Variants in COP1 observed in about 807,000 individuals in gnomAD.
COP1 encodes E3 ubiquitin-protein ligase COP1.
Under a neutral mutation model 101.3 loss-of-function variants are expected in COP1, and 24 were observed. That is an observed-to-expected ratio of 0.24 (90% CI 0.17 to 0.33). The LOEUF is 0.33. Among genes scored for constraint, COP1 ranks in the 10% least tolerant of loss-of-function variants. The pLI is 1.00. For synonymous variants in COP1, 347 were observed against 341.9 expected (o/e 1.01, Z -0.17); for missense variants, 663 against 906.2 (o/e 0.73, Z 3.45).
chr1:176,206,911 G>A lies in COP1; in HGVS notation c.68C>T (p.Ser23Leu), dbSNP rs752538197. Reference protein sequence around the residue: ...GTSPGSSAASSVTSASSSLSS... With the variant: ...GTSPGSSAASLVTSASSSLSS... ...TAAAGACGAGGAGGCGGAAGTCACC[G>A]AGGAGGCCGCCGAGGACCCGGGGCT... Residue 23 changes from serine (S) to leucine (L), a missense_variant, in exon 1 of 20, where the codon TCG becomes TTG. Physicochemically the swap from Ser to Leu is moderately radical, Grantham distance 145 (BLOSUM62 -2). Transcript: ENST00000367669. 2.7e-6 allele frequency: 4 copies of A among 1,465,580 alleles called. No individual in the cohort carries two copies. The highest frequency in any genetic ancestry group is 2.4e-5 in the Admixed American group (1 of 41,014). The allele number at this position is 1,465,580 out of a possible 1,614,324, so 90.8% of individuals were successfully genotyped here.
intron 6 of COP1, among the ~76,000 whole-genome samples, chr1:176,146,250 A>G (rs554201888): frequency 6.6e-6 from 1 of 152,300 alleles, no homozygotes; most frequent in African/African-American, 2.4e-5. Context: ...CCTTTTGTTT[A>G]ATCTGACCAT....
intron 15 of COP1, among the ~76,000 whole-genome samples, chr1:175,997,983 A>G (rs1473238300): frequency 1.3e-5 from 2 of 151,242 alleles, no homozygotes; most frequent in Non-Finnish European, 2.9e-5. Flanking sequence ...TACAATAGCA[A>G]AGACTTGGAG....
intron 6 of COP1, among the ~76,000 whole-genome samples, chr1:176,146,887 TG>T (rs1691659736): frequency 6.6e-6 from 1 of 152,132 alleles, no homozygotes; most frequent in South Asian, 2.1e-4. Context: ...AAAATAAAAC[TG>T]AAAATTAAAT....
At position 176,108,391 on chromosome 1, in the gene COP1, A is replaced by G. The variant is rs76108440; in HGVS notation, c.1026+8233T>C. Among the ~76,000 whole-genome samples the G allele has an allele frequency of 6.2e-3, 941 of 152,332 alleles. 9 individuals are homozygous for G. Among genetic ancestry groups the G allele is most frequent in the Non-Finnish European group, 0.011 (724 of 68,018 alleles). On this transcript the variant is annotated intron_variant, in intron 9 of 19. Transcript: ENST00000367669. ...ATGTTTATTTTTCCAGAATTTTTGCACATATGATTAATACCAGTATACAAT... is the reference window on the plus strand; with the variant it reads ...ATGTTTATTTTTCCAGAATTTTTGCGCATATGATTAATACCAGTATACAAT...
chr1:176,193,007 C>T (rs16849634), intron 1 of COP1, among the ~76,000 whole-genome samples: 2,480 of 152,214 alleles, frequency 0.016, 65 homozygotes, highest in African/African-American at 0.056. Context: ...ATTGCATATA[C>T]CACTACACAA....
chr1:176,169,201 G>A (rs1004252455), intron 3 of COP1, among the ~76,000 whole-genome samples: 5 of 152,210 alleles, frequency 3.3e-5, no homozygotes, highest in East Asian at 3.9e-4. Flanking sequence ...TGGAATCCTC[G>A]TCATAGTAAT....
At chr1:176,154,163 T>A (rs1224285027) in intron 5 of COP1, among the ~76,000 whole-genome samples, 1 of 152,188 alleles carries the variant, frequency 6.6e-6, no homozygotes, top group East Asian at 1.9e-4. Flanking sequence ...TCAGTAGGAA[T>A]GGTACCAGCT....
In COP1 at chr1:176,043,789, T is replaced by C. The variant is rs549951633; in HGVS notation, c.1451A>G (p.Asn484Ser). Residue 484 changes from asparagine (N) to serine (S), a missense_variant, in exon 13 of 20, where the codon AAC (asparagine) becomes AGC (serine). Around this residue, in one of 4 missense-constraint regions of COP1, gnomAD observed 209 missense variants for 383.3 expected, o/e 0.55. Coordinates refer to ENST00000367669, the MANE Select transcript of COP1 (RefSeq NM_022457.7). ...SCISWSSYHK[N>S]LLASSDYEGT... ...TTCATAATCACTGCTAGCTAACAGG[T>C]TCTTATGGTAACTACTCCAACTGAT... 4.7e-5 allele frequency: 75 copies of C among 1,609,748 alleles called. 1 individual carries two copies. The South Asian group carries it at 8.1e-4, about 17-fold the overall frequency.
At chr1:175,972,630 A>G (rs568147986) in intron 18 of COP1, among the ~76,000 whole-genome samples, 1 of 151,726 alleles carries the variant, frequency 6.6e-6, no homozygotes, top group East Asian at 1.9e-4. Context: ...ATGCCCGGCT[A>G]ATTTTTGTAT....
intron 15 of COP1, among the ~76,000 whole-genome samples, chr1:175,990,032 C>T (rs1281235353): frequency 6.6e-6 from 1 of 151,816 alleles, no homozygotes; most frequent in East Asian, 1.9e-4. Flanking sequence ...TATTTCCTTC[C>T]TTCTGCTTGT....
At chr1:176,114,025 TTTG>T (rs1685751490) in intron 9 of COP1, among the ~76,000 whole-genome samples, 1 of 151,968 alleles carries the variant, frequency 6.6e-6, no homozygotes, top group Non-Finnish European at 1.5e-5. Context: ...GATCTTGCTT[TTTG>T]TTTCGCTTCA....
At chr1:175,947,751 T>A (rs1013588869) in intron 18 of COP1, among the ~76,000 whole-genome samples, 2 of 151,892 alleles carry the variant, frequency 1.3e-5, no homozygotes, top group African/African-American at 4.8e-5. Flanking sequence ...AATAAAAGAA[T>A]AAAGTTAGAA....
intron 9 of COP1, among the ~76,000 whole-genome samples, chr1:176,093,478 G>A (rs1681726876): frequency 1.3e-5 from 2 of 152,138 alleles, no homozygotes; most frequent in African/African-American, 4.8e-5. Flanking sequence ...GGTGGCTGAG[G>A]TGGGCGGATT....
At position 176,162,945 on chromosome 1, in the gene COP1, T is replaced by C. The variant is rs1160720469; in HGVS notation, c.686A>G (p.Asp229Gly). 6.2e-7 allele frequency: 1 copy of C among 1,610,298 alleles called. No individual in the cohort carries two copies. The highest frequency in any genetic ancestry group is 8.5e-7 in the Non-Finnish European group (1 of 1,178,292). The change falls in exon 5 of 20, where the codon GAC (aspartate) becomes GGC (glycine). Residue 229 changes from aspartate (D) to glycine (G), a missense_variant. By Grantham distance (94) the Asp-to-Gly change is moderately conservative. Transcript: ENST00000367669. The part of the protein sequence containing the change: ...WQIFQDWLGT[D>G]QDNLDLANVN... Reference sequence around the variant, plus strand: ...ATTGGCCAAATCAAGGTTATCTTGGTCAGTTCCCAACCAATCTTGAAATAT... The same window carrying C: ...ATTGGCCAAATCAAGGTTATCTTGGCCAGTTCCCAACCAATCTTGAAATAT...
chr1:175,994,506 C>T (rs184173180), intron 15 of COP1, among the ~76,000 whole-genome samples: 11 of 152,236 alleles, frequency 7.2e-5, no homozygotes, highest in East Asian at 1.9e-4. Context: ...ACCCGTCTCA[C>T]GTGCAGAGAC....
At chr1:175,958,231 C>G (rs539826982) in intron 18 of COP1, among the ~76,000 whole-genome samples, 1 of 151,870 alleles carries the variant, frequency 6.6e-6, no homozygotes, top group African/African-American at 2.4e-5. Flanking sequence ...AGAACAAATA[C>G]GTATTTTATA....
intron 5 of COP1, among the ~76,000 whole-genome samples, chr1:176,161,237 G>T (rs1391871541): frequency 1.3e-5 from 2 of 151,766 alleles, no homozygotes; most frequent in Non-Finnish European, 2.9e-5. Context: ...CTAATTTACT[G>T]TCATTTTCAT....
At chr1:176,006,649 T>C (rs1663307446) in intron 15 of COP1, among the ~76,000 whole-genome samples, 2 of 152,256 alleles carry the variant, frequency 1.3e-5, no homozygotes, top group Non-Finnish European at 1.5e-5. Flanking sequence ...TTGAAAATTC[T>C]TTTCTTTAAG....
intron 3 of COP1, among the ~76,000 whole-genome samples, chr1:176,164,379 T>C (rs1694779155): frequency 6.6e-6 from 1 of 152,222 alleles, no homozygotes; most frequent in South Asian, 2.1e-4. Flanking sequence ...ATGACTTTTT[T>C]CCAAGTGTCA....
Sources: allele counts gnomAD v4.1 joint callset (sites outside exome capture counted in the v4.1 genomes callset), GRCh38; gene constraint gnomAD v4.1.1; regional missense constraint gnomAD v4.1.1; transcripts MANE v1.5; gene names NCBI Gene and HGNC (gene_info 2026-07-23, HGNC 2026-07-21).